The following ABI3BP variants were observed in gnomAD, a reference collection of about 807,000 sequenced individuals.
ABI3BP encodes target of Nesh-SH3.
ABI3BP carries 216 observed loss-of-function variants against 268.6 expected under a neutral mutation model. The observed-to-expected ratio is 0.80, with a 90% CI of 0.72 to 0.90. The LOEUF (loss-of-function observed/expected upper bound fraction) is 0.90. Ranked by LOEUF, ABI3BP falls within the 40% of genes least tolerant of loss-of-function variation. The pLI is 0.00. For synonymous variants in ABI3BP, 730 were observed against 730.0 expected (o/e 1.00, Z 0.00); for missense variants, 2,090 against 2,182.4 (o/e 0.96, Z 0.84).
At chr3:100,969,389 C>T (rs910126659) in intron 1 of ABI3BP, among the ~76,000 whole-genome samples, 3 of 152,174 alleles carry the variant, frequency 2.0e-5, no homozygotes, top group Non-Finnish European at 4.4e-5. Context: ...CCTACCAATC[C>T]GGCCCCACAT....
At chr3:100,954,015 C>A (rs1365074425) in intron 1 of ABI3BP, among the ~76,000 whole-genome samples, 1 of 152,166 alleles carries the variant, frequency 6.6e-6, no homozygotes, top group African/African-American at 2.4e-5. Context: ...GATGAACTGT[C>A]TTTCTCACTC....
intron 63 of ABI3BP, among the ~76,000 whole-genome samples, chr3:100,759,137 GTT>G (rs1307947179): frequency 6.6e-6 from 1 of 152,070 alleles, no homozygotes; most frequent in African/African-American, 2.4e-5. Flanking sequence ...CAAGCAAACT[GTT>G]TTTTATATAG....
intron 1 of ABI3BP, chr3:100,945,520 C>T (rs947219464): frequency 2.7e-6 from 1 of 364,474 alleles, no homozygotes; most frequent in South Asian, 2.2e-5. Flanking sequence ...CCACCCTTAG[C>T]TCTAGGCAAC....
intron 1 of ABI3BP, among the ~76,000 whole-genome samples, chr3:100,992,495 A>G (rs1283748055): frequency 1.3e-5 from 2 of 152,214 alleles, no homozygotes; most frequent in Non-Finnish European, 2.9e-5. Flanking sequence ...TGACTACAGC[A>G]GTCTGCAACC....
At chr3:100,885,662 A>G in intron 5 of ABI3BP, 74 bp from the exon 6 acceptor site, 1 of 875,872 alleles carries the variant, frequency 1.1e-6, no homozygotes, top group Non-Finnish European at 1.8e-6. Context: ...AATCATTATG[A>G]AGACAACTAC....
chr3:100,929,895 T>C (rs997700836), intron 1 of ABI3BP, among the ~76,000 whole-genome samples: 2 of 152,032 alleles, frequency 1.3e-5, no homozygotes, highest in Non-Finnish European at 2.9e-5. Flanking sequence ...TTTCCTTCAA[T>C]ATAAATAAGT....
At chr3:100,822,455 G>C (rs982244322) in intron 38 of ABI3BP, 134 bp downstream of exon 38, 1 of 677,448 alleles carries the variant, frequency 1.5e-6, no homozygotes, top group Non-Finnish European at 2.5e-6. Context: ...TTCACAGTGG[G>C]ATCTGCTGCT....
At chr3:100,816,303 T>G in intron 43 of ABI3BP, 1 of 456,096 alleles carries the variant, frequency 2.2e-6, no homozygotes, top group Non-Finnish European at 3.9e-6. Context: ...GAAATATATA[T>G]GAAAGTAACT....
At chr3:100,912,696 T>G (rs999281071) in intron 2 of ABI3BP, among the ~76,000 whole-genome samples, 5 of 152,196 alleles carry the variant, frequency 3.3e-5, no homozygotes, top group Admixed American at 2.0e-4. Context: ...CTCTTGACAT[T>G]TGGCCACAGC....
chr3:100,937,223 T>G (rs750834682), intron 1 of ABI3BP, among the ~76,000 whole-genome samples: 3 of 152,054 alleles, frequency 2.0e-5, no homozygotes, highest in Non-Finnish European at 4.4e-5. Flanking sequence ...ATGTAGTACA[T>G]CTGGAACCTT....
intron 1 of ABI3BP, 91 bp downstream of exon 1, chr3:100,993,215 G>A (rs3732896): frequency 0.17 from 152,342 of 915,900 alleles, 15,001 homozygotes; most frequent in East Asian, 0.45. Context: ...TATTCCCCCC[G>A]TATGGTAAAG....
At chr3:100,874,289 C>G (rs1214202435) in intron 9 of ABI3BP, among the ~76,000 whole-genome samples, 1 of 152,142 alleles carries the variant, frequency 6.6e-6, no homozygotes, top group Admixed American at 6.5e-5. Context: ...CAATTTGGAG[C>G]CTAATTTGAT....
rs529909699 is a variant in ABI3BP, at chr3:100,856,104, T to C, written c.1286-4164A>G. Among the ~76,000 whole-genome samples the C allele has an allele frequency of 7.2e-5, 11 of 152,332 alleles. No individual in the cohort carries two copies. In the South Asian group the frequency reaches 2.1e-3, roughly 29 times the overall value. On this transcript the variant is annotated intron_variant, in intron 14 of 67. Transcript: ENST00000471714. Reference sequence around the variant, plus strand: ...CCTACTCCTTCGTTTTCTCCTCTTTTGAACTCAATCCAGTTGGGTGGGCCA... The same window carrying C: ...CCTACTCCTTCGTTTTCTCCTCTTTCGAACTCAATCCAGTTGGGTGGGCCA...
chr3:100,753,873 C>G (rs1337770305), intron 64 of ABI3BP, 25 bp from the exon 65 acceptor site: 1 of 1,601,316 alleles, frequency 6.2e-7, no homozygotes. Flanking sequence ...ATAGAAAAGT[C>G]AGACCTTACT....
At chr3:100,876,486 A>G (rs762121143) in intron 7 of ABI3BP, 26 bp downstream of exon 7, 21 of 1,601,192 alleles carry the variant, frequency 1.3e-5, no homozygotes, top group Non-Finnish European at 1.5e-5. Flanking sequence ...ATTGCTCTAA[A>G]CACATTTCCA....
At chr3:100,902,571 G>A in intron 3 of ABI3BP, 47 bp downstream of exon 3, 1 of 1,569,452 alleles carries the variant, frequency 6.4e-7, no homozygotes, top group African/African-American at 1.4e-5. Context: ...GAAAAGTCAT[G>A]GTTCAAAGTT....
At chr3:100,807,889 A>C (rs1560290789) in intron 50 of ABI3BP, among the ~76,000 whole-genome samples, 1 of 151,980 alleles carries the variant, frequency 6.6e-6, no homozygotes, top group South Asian at 2.1e-4. Flanking sequence ...AAAACGAAGT[A>C]GGCAGGCTAT....
chr3:100,987,610 T>C (rs2092143417), intron 1 of ABI3BP, among the ~76,000 whole-genome samples: 1 of 152,234 alleles, frequency 6.6e-6, no homozygotes, highest in African/African-American at 2.4e-5. Flanking sequence ...GTTTACCTAG[T>C]AGATGCTTAA....
chr3:100,801,751 G>GA lies in ABI3BP; in HGVS notation c.3757+3040dup, dbSNP rs201114471. On this transcript the variant is annotated intron_variant, in intron 51 of 67. Coordinates refer to ENST00000471714, the MANE Select transcript of ABI3BP (RefSeq NM_001375547.2). Reference sequence around the variant, plus strand: ...TAAGGGGAAAAATAAGAAGCTTTAGGAAAAAATGGCAAAATGTGGAGAAGA... The same window carrying GA: ...TAAGGGGAAAAATAAGAAGCTTTAGGAAAAAAATGGCAAAATGTGGAGAAGA... Among the ~76,000 whole-genome samples, 725 of 152,090 alleles carry GA rather than the reference G, an allele frequency of 4.8e-3. 8 individuals are homozygous for GA. Among genetic ancestry groups the GA allele is most frequent in the African/African-American group, 0.017 (697 of 41,496 alleles).
Sources: gnomAD v4.1 joint callset for allele counts (sites outside exome capture counted in the v4.1 genomes callset) on GRCh38, gnomAD v4.1.1 for gene constraint, MANE v1.5 for transcripts, NCBI Gene and HGNC (gene_info 2026-07-23, HGNC 2026-07-21) for gene names.